GLS2: variants seen among roughly 807,000 people sequenced by gnomAD.
The protein encoded by GLS2 is glutaminase liver isoform, mitochondrial.
GLS2 carries 52 observed loss-of-function variants against 79.0 expected under a neutral mutation model. The observed-to-expected ratio is 0.66, with a 90% CI of 0.53 to 0.83. The LOEUF (loss-of-function observed/expected upper bound fraction) is 0.83. Ranked by LOEUF, GLS2 falls within the 40% of genes least tolerant of loss-of-function variation. The probability of loss-of-function intolerance (pLI) is 0.00; values close to 1 mark genes in which losing one functional copy is unlikely to be tolerated. For missense variants in GLS2, 561 were observed against 764.8 expected, an observed-to-expected ratio of 0.73 and a Z score of 3.14; for synonymous variants, 238 against 280.8, an observed-to-expected ratio of 0.85 and a Z score of 1.52.
chr12:56,474,706 C>A lies in GLS2; in HGVS notation c.1062G>T (p.Glu354Asp). 9 of 1,610,020 alleles carry A rather than the reference C, an allele frequency of 5.6e-6. No homozygotes were observed. Among genetic ancestry groups the A allele is most frequent in the Non-Finnish European group, 7.6e-6 (9 of 1,177,296 alleles). ...LDLYFQLCSVEVTCESGSVMA... is the reference protein window; with the variant it reads ...LDLYFQLCSVDVTCESGSVMA... ...TGACACTGCCTGATTCACAAGTGACCTCCACAGAACACAGCTATGAAAACA... is the reference window on the plus strand; with the variant it reads ...TGACACTGCCTGATTCACAAGTGACATCCACAGAACACAGCTATGAAAACA... Residue 354 changes from glutamate to aspartate, a missense_variant, in exon 12 of 18, where the codon GAG (glutamate) becomes GAT (aspartate). Around this residue, in one of 4 missense-constraint regions of GLS2, gnomAD observed 221 missense variants for 275.6 expected, o/e 0.80. Transcript: ENST00000311966.
At chr12:56,477,541 G>T (rs1869929610) in intron 7 of GLS2, 119 bp downstream of exon 7, 1 of 1,013,278 alleles carries the variant, frequency 9.9e-7, no homozygotes, top group Non-Finnish European at 1.5e-6. Flanking sequence ...TGCCTTCTGG[G>T]GACCCTCAAA....
At chr12:56,471,744 CCCT>C (rs1347518563) in intron 17 of GLS2, 26 bp downstream of exon 17, 2 of 1,613,012 alleles carry the variant, frequency 1.2e-6, no homozygotes, top group East Asian at 2.2e-5. Context: ...GCTGTGCCCA[CCCT>C]CCTCCACTTT....
rs1216746644 is a variant in GLS2 at position 56,471,244 on chromosome 12, C to T, written c.*243G>A. 4.1e-6 allele frequency: 2 copies of T among 488,454 alleles called. No homozygotes were observed. Among genetic ancestry groups the T allele is most frequent in the African/African-American group, 3.9e-5 (2 of 51,140 alleles). The allele number at this position is 488,454 out of a possible 1,614,324, so 30.3% of individuals were successfully genotyped here. On this transcript the variant is annotated 3_prime_UTR_variant, in exon 18 of 18. Coordinates refer to ENST00000311966, the MANE Select transcript of GLS2 (RefSeq NM_013267.4). ...GAGTGGGGCAAGCCATTAGGCTGTACCTTGAAGCCCAGTCTCTCTGGATAG... is the reference window on the plus strand; with the variant it reads ...GAGTGGGGCAAGCCATTAGGCTGTATCTTGAAGCCCAGTCTCTCTGGATAG...
At position 56,473,507 on chromosome 12, in the gene GLS2, A is replaced by G. The variant is rs549486185; in HGVS notation, c.1312T>C (p.Leu438=). Residue 438 remains leucine (L), a synonymous_variant, in exon 13 of 18, where the codon TTG becomes CTG. Coordinates refer to ENST00000311966, the MANE Select transcript of GLS2 (RefSeq NM_013267.4). The stretch of plus-strand genomic sequence containing the variant: ...CTATGGCTGTTCCCCAGCTTGTCCA[A>G]TGGGGGTGACAGGCACATCATTCCC... ...VMGMMCLSPP[L]DKLGNSHRGT... The G allele has an allele frequency of 1.1e-4, 171 of 1,613,926 alleles. 1 individual carries two copies. The highest frequency in any genetic ancestry group is 9.8e-4 in the South Asian group (89 of 91,058).
At chr12:56,485,106 C>A (rs1274405837) in intron 1 of GLS2, among the ~76,000 whole-genome samples, 1 of 151,876 alleles carries the variant, frequency 6.6e-6, no homozygotes, top group East Asian at 1.9e-4. Flanking sequence ...AAAAGCTGTT[C>A]ATAAATGAAA....
chr12:56,483,726 G>T (rs1870478695), intron 1 of GLS2, among the ~76,000 whole-genome samples: 2 of 152,010 alleles, frequency 1.3e-5, no homozygotes, highest in African/African-American at 2.4e-5. Flanking sequence ...GACTATAGGT[G>T]TATGCCACCA....
intron 6 of GLS2, 60 bp from the exon 7 acceptor site, chr12:56,477,778 G>C: frequency 3.8e-6 from 6 of 1,566,936 alleles, no homozygotes; most frequent in Non-Finnish European, 5.2e-6. Flanking sequence ...CTGACAGCCC[G>C]CTCACTTTGT....
At chr12:56,487,729 T>G (rs746444028) in intron 1 of GLS2, 186 of 604,420 alleles carry the variant, frequency 3.1e-4, no homozygotes, top group Non-Finnish European at 4.7e-4. Flanking sequence ...AGGACCCGCT[T>G]GCCCGAACGC....
At chr12:56,476,226 G>A (rs898842363) in intron 7 of GLS2, 8 of 469,092 alleles carry the variant, frequency 1.7e-5, no homozygotes, top group East Asian at 4.1e-5. Flanking sequence ...GCAGTGGCAC[G>A]ATCATGGCTC....
intron 1 of GLS2, among the ~76,000 whole-genome samples, chr12:56,482,246 AAAAT>A (rs1870357512): frequency 6.6e-6 from 1 of 152,126 alleles, no homozygotes; most frequent in Non-Finnish European, 1.5e-5. Context: ...AAAATAAAGT[AAAAT>A]AAATAAAACC....
At chr12:56,478,635 C>T (rs1870032679) in intron 4 of GLS2, 1 of 264,908 alleles carries the variant, frequency 3.8e-6, no homozygotes, top group Non-Finnish European at 7.3e-6. Flanking sequence ...GCCATGTCAC[C>T]ATTTACAGAA....
intron 1 of GLS2, among the ~76,000 whole-genome samples, chr12:56,481,413 G>A (rs1034761780): frequency 1.3e-5 from 2 of 149,526 alleles, no homozygotes; most frequent in Admixed American, 6.7e-5. Flanking sequence ...TCACCATTTC[G>A]GTCAGGCTGG....
intron 1 of GLS2, among the ~76,000 whole-genome samples, chr12:56,484,848 TA>T (rs1870560561): frequency 6.6e-6 from 1 of 152,056 alleles, no homozygotes; most frequent in South Asian, 2.1e-4. Flanking sequence ...ACCATTTGTA[TA>T]AAAAAAGGTA....
At chr12:56,476,535 CTTGAGACCAGGGGT>C (rs994652752) in intron 7 of GLS2, 1 of 154,172 alleles carries the variant, frequency 6.5e-6, no homozygotes, top group Non-Finnish European at 1.4e-5. Context: ...AGGAGGATCG[CTTGAGACCAGGGGT>C]TTGAGACCAG....
At chr12:56,474,776 G>A (rs368844270) in intron 11 of GLS2, 56 bp from the exon 12 acceptor site, 784 of 1,612,240 alleles carry the variant, frequency 4.9e-4, no homozygotes, top group Non-Finnish European at 6.0e-4. Flanking sequence ...TGGGACCCTC[G>A]GGTGTAGGGA....
chr12:56,487,335 T>G (rs1310477682), intron 1 of GLS2, among the ~76,000 whole-genome samples: 2 of 152,240 alleles, frequency 1.3e-5, no homozygotes. Flanking sequence ...TTGGGAAATC[T>G]GCGTCTTAAA....
chr12:56,488,043 G>A lies in GLS2; in HGVS notation c.76C>T (p.Pro26Ser), dbSNP rs757343685. The A allele has an allele frequency of 2.7e-5, 43 of 1,590,326 alleles. No homozygotes were observed. The highest frequency in any genetic ancestry group is 3.5e-5 in the Non-Finnish European group (41 of 1,175,414). ...SHCGRGGWGH[P>S]SRSPLLGGGV... ...CCGCCAAGGAGGGGGCTCCGGCTCG[G>A]GTGACCCCAGCCTCCTCGCCCGCAG... Residue 26 changes from proline to serine, a missense_variant, in exon 1 of 18, where the codon CCG becomes TCG. Pro to Ser is a moderately conservative substitution (Grantham distance 74). Coordinates refer to ENST00000311966, the MANE Select transcript of GLS2 (RefSeq NM_013267.4).
Position 56,478,084 on chromosome 12 carries a change from G to A in GLS2, c.627C>T (p.Gly209=), listed in dbSNP as rs762282156. The A allele has an allele frequency of 5.0e-6, 8 of 1,614,052 alleles. No homozygotes were observed. The highest frequency in any genetic ancestry group is 3.4e-6 in the Non-Finnish European group (4 of 1,179,942). The change falls in exon 6 of 18, where the codon GGC becomes GGT. Residue 209 remains glycine, a synonymous_variant. Coordinates refer to ENST00000311966, the MANE Select transcript of GLS2 (RefSeq NM_013267.4). Reference sequence around the variant, plus strand: ...GCAGGCAGAAGGGGATCTTTGTGTGGCCCACAGAGTGCCTGGAGGCAGACA... The same window carrying A: ...GCAGGCAGAAGGGGATCTTTGTGTGACCCACAGAGTGCCTGGAGGCAGACA... The part of the protein sequence containing the change: ...CTVDGQRHSV[G]HTKIPFCLQS...
At chr12:56,472,922 C>T (rs946041890) in intron 14 of GLS2, 171 bp from the exon 15 acceptor site, 226 of 585,660 alleles carry the variant, frequency 3.9e-4, no homozygotes, top group Non-Finnish European at 6.1e-4. Context: ...GAGTCTCGCT[C>T]TGTCGTTCAG....
Sources: gnomAD v4.1 joint callset for allele counts (sites outside exome capture counted in the v4.1 genomes callset) on GRCh38, gnomAD v4.1.1 for gene constraint, gnomAD v4.1.1 regional missense constraint, MANE v1.5 for transcripts, NCBI Gene and HGNC (gene_info 2026-07-23, HGNC 2026-07-21) for gene names.